CNTN4: variants seen among roughly 807,000 people sequenced by gnomAD.
The protein encoded by CNTN4 is contactin 4, also known as contactin-4.
A neutral mutation model predicts 122.5 loss-of-function variants in CNTN4; 77 were observed. The observed-to-expected ratio is 0.63, with a 90% CI of 0.52 to 0.76. The LOEUF is 0.76. CNTN4 is among the 30% of genes least tolerant of loss of function. The pLI, the probability that CNTN4 is intolerant of heterozygous loss-of-function variation, is 0.00. For missense variants in CNTN4, 1,256 were observed against 1,259.1 expected, an observed-to-expected ratio of 1.00 and a Z score of 0.04; for synonymous variants, 512 against 447.0, an observed-to-expected ratio of 1.15 and a Z score of -1.83.
At chr3:2,991,250 G>A (rs1238940437) in intron 14 of CNTN4, among the ~76,000 whole-genome samples, 1 of 152,164 alleles carries the variant, frequency 6.6e-6, no homozygotes, top group African/African-American at 2.4e-5. Flanking sequence ...GAGGTAGGAA[G>A]AGCCTGGCCC....
chr3:2,608,852 ACTAT>A (rs1387170302), intron 4 of CNTN4, among the ~76,000 whole-genome samples: 1 of 152,200 alleles, frequency 6.6e-6, no homozygotes, highest in Non-Finnish European at 1.5e-5. Context: ...TGTGGCATGA[ACTAT>A]CTGATTCTTC....
intron 4 of CNTN4, among the ~76,000 whole-genome samples, chr3:2,592,666 T>C (rs2080555942): frequency 6.6e-6 from 1 of 152,172 alleles, no homozygotes; most frequent in Admixed American, 6.6e-5. Context: ...TTGTGAGGCC[T>C]CCCCAGACAC....
At chr3:2,436,575 G>A (rs1423546889) in intron 3 of CNTN4, among the ~76,000 whole-genome samples, 1 of 152,010 alleles carries the variant, frequency 6.6e-6, no homozygotes, top group Non-Finnish European at 1.5e-5. Flanking sequence ...TGGTGTTGTG[G>A]ATGTGGAAAT....
At chr3:2,893,771 C>G (rs2094073655) in intron 10 of CNTN4, among the ~76,000 whole-genome samples, 1 of 152,108 alleles carries the variant, frequency 6.6e-6, no homozygotes, top group Admixed American at 6.5e-5. Flanking sequence ...TTTTATTCAC[C>G]AATGAATATT....
intron 7 of CNTN4, among the ~76,000 whole-genome samples, chr3:2,848,873 G>A (rs1236448615): frequency 1.3e-5 from 2 of 152,092 alleles, no homozygotes; most frequent in African/African-American, 2.4e-5. Flanking sequence ...GCAGCCAGAC[G>A]ACATAGGTCT....
intron 2 of CNTN4, among the ~76,000 whole-genome samples, chr3:2,142,622 C>T (rs1055853500): frequency 3.3e-5 from 5 of 152,152 alleles, no homozygotes; most frequent in South Asian, 2.1e-4. Flanking sequence ...GGATTAGAGG[C>T]GCAAGCCACT....
chr3:2,239,370 T>C (rs1017005870), intron 2 of CNTN4, among the ~76,000 whole-genome samples: 2 of 152,178 alleles, frequency 1.3e-5, no homozygotes, highest in African/African-American at 4.8e-5. Context: ...AATGCTTGTC[T>C]AAGCTACACA....
chr3:2,425,109 CATTTCTTTTGGT>C (rs1559540945), intron 3 of CNTN4, among the ~76,000 whole-genome samples: 1 of 152,038 alleles, frequency 6.6e-6, no homozygotes, highest in Non-Finnish European at 1.5e-5. Context: ...CTTTTGTTGC[CATTTCTTTTGGT>C]ATTTTAGACA....
At chr3:2,883,073 C>T in intron 8 of CNTN4, 72 bp from the exon 9 acceptor site, 1 of 1,065,054 alleles carries the variant, frequency 9.4e-7, no homozygotes, top group Non-Finnish European at 1.4e-6. Flanking sequence ...TCTGCATTAA[C>T]AGAAAAATGA....
intron 13 of CNTN4, among the ~76,000 whole-genome samples, chr3:2,953,371 A>G (rs1006437529): frequency 6.6e-6 from 1 of 151,974 alleles, no homozygotes; most frequent in East Asian, 1.9e-4. Flanking sequence ...CACAGGCGGT[A>G]GATCGCTCCT....
intron 4 of CNTN4, among the ~76,000 whole-genome samples, chr3:2,613,018 T>G (rs1350551437): frequency 6.6e-6 from 1 of 152,174 alleles, no homozygotes; most frequent in Non-Finnish European, 1.5e-5. Flanking sequence ...CACAATGTTG[T>G]AGAAGTATTT....
rs1037073917 is a variant in CNTN4 at position 2,693,624 on chromosome 3, G to A, written c.56-42591G>A. On this transcript the variant is annotated intron_variant, in intron 4 of 24. Coordinates refer to ENST00000418658, the MANE Select transcript of CNTN4 (RefSeq NM_175607.3). ...TTGGAGGAGAAGTCAGCTTTAGTCT[G>A]GAGAGAAAAAATGAATAAATGTTAG... Among the ~76,000 whole-genome samples, 7 of 152,144 alleles carry A rather than the reference G, an allele frequency of 4.6e-5. No homozygotes were observed. The Middle Eastern group carries it at 0.01, about 222-fold the overall frequency.
intron 4 of CNTN4, among the ~76,000 whole-genome samples, chr3:2,721,041 C>A (rs185550193): frequency 6.6e-6 from 1 of 152,084 alleles, no homozygotes; most frequent in African/African-American, 2.4e-5. Flanking sequence ...GGCATGATCT[C>A]GGCTCACTGC....
At chr3:2,367,197 C>G (rs899128425) in intron 3 of CNTN4, among the ~76,000 whole-genome samples, 14 of 152,040 alleles carry the variant, frequency 9.2e-5, no homozygotes, top group African/African-American at 3.4e-4. Flanking sequence ...AAACACTAAT[C>G]TACAGAAGAA....
At position 2,283,820 on chromosome 3, in the gene CNTN4, C is replaced by G. The variant is rs2041810118; in HGVS notation, c.-144-55358C>G. 2.0e-5 allele frequency among the ~76,000 whole-genome samples: 3 copies of G among 152,092 alleles called. No individual in the cohort carries two copies. In the South Asian group the frequency reaches 6.2e-4, roughly 31 times the overall value. The stretch of plus-strand genomic sequence containing the variant: ...GTTTGGTATGTAAGGTTTAGTTTTC[C>G]TCCAACTTCTGCATTTCTCTTCAAG... On this transcript the variant is annotated intron_variant, in intron 2 of 24. Coordinates refer to ENST00000418658, the MANE Select transcript of CNTN4 (RefSeq NM_175607.3).
At chr3:2,163,607 C>T (rs895165301) in intron 2 of CNTN4, among the ~76,000 whole-genome samples, 4 of 151,070 alleles carry the variant, frequency 2.6e-5, no homozygotes, top group African/African-American at 9.8e-5. Context: ...ATGCATCTGA[C>T]AAAGGACTAA....
At chr3:2,218,311 T>C (rs908419218) in intron 2 of CNTN4, among the ~76,000 whole-genome samples, 1 of 152,218 alleles carries the variant, frequency 6.6e-6, no homozygotes, top group Non-Finnish European at 1.5e-5. Flanking sequence ...TATATTTTTA[T>C]TTTTTATGAA....
chr3:2,758,517 C>CTTTTTTTTTTT (rs34531341), intron 6 of CNTN4, among the ~76,000 whole-genome samples: 2 of 124,260 alleles, frequency 1.6e-5, no homozygotes, highest in Non-Finnish European at 3.2e-5. Flanking sequence ...CAACACCATA[C>CTTTTTTTTTTT]TTTTTTTTTT....
chr3:2,314,759 T>A (rs78367563), intron 2 of CNTN4, among the ~76,000 whole-genome samples: 18,681 of 151,702 alleles, frequency 0.12, 1,422 homozygotes, highest in Non-Finnish European at 0.17. Flanking sequence ...TGAGAAAAAA[T>A]TTGCAAATCT....
Sources: gnomAD v4.1 joint callset for allele counts (sites outside exome capture counted in the v4.1 genomes callset) on GRCh38, gnomAD v4.1.1 for gene constraint, MANE v1.5 for transcripts, NCBI Gene and HGNC (gene_info 2026-07-23, HGNC 2026-07-21) for gene names.